Variants in KALRN observed in about 807,000 individuals in gnomAD.
KALRN encodes kalirin.
In KALRN, 70 loss-of-function variants were observed where a neutral mutation model predicts 353.7. The observed-to-expected ratio is 0.20, with a 90% CI of 0.16 to 0.24. The LOEUF (loss-of-function observed/expected upper bound fraction) is 0.24, where lower values mean the gene tolerates loss of function less well. Ranked by LOEUF, KALRN falls within the 10% of genes least tolerant of loss-of-function variation. The probability of loss-of-function intolerance (pLI) is 1.00; values close to 1 mark genes in which losing one functional copy is unlikely to be tolerated. For missense variants in KALRN, 2,791 were observed against 3,756.7 expected, an observed-to-expected ratio of 0.74 and a Z score of 6.72; for synonymous variants, 1,391 against 1,434.8, an observed-to-expected ratio of 0.97 and a Z score of 0.69.
In KALRN at chr3:124,438,168, G is replaced by T. The variant is rs146965930; in HGVS notation, c.3049-720G>T. 5.4e-3 allele frequency among the ~76,000 whole-genome samples: 829 copies of T among 152,208 alleles called. 3 individuals are homozygous for T. The highest frequency in any genetic ancestry group is 8.6e-3 in the Non-Finnish European group (584 of 68,010). On this transcript the variant is annotated intron_variant, in intron 17 of 59. Transcript: ENST00000682506. ...CTTGGTTTTTCCACTATGGGACCCA[G>T]GCTGAATTTCCCTCCAAACTCCCTT...
intron 14 of KALRN, 70 bp from the exon 15 acceptor site, chr3:124,422,742 G>T: frequency 8.0e-7 from 1 of 1,256,512 alleles, no homozygotes; most frequent in Non-Finnish European, 1.1e-6. Context: ...GTTTTCTTAT[G>T]CATATTGAAG....
chr3:124,282,198 T>C (rs541913623), intron 5 of KALRN, among the ~76,000 whole-genome samples: 1 of 152,136 alleles, frequency 6.6e-6, no homozygotes, highest in African/African-American at 2.4e-5. Context: ...GTTAGGAGGA[T>C]TGGCAGTGGG....
At chr3:124,441,615 A>G (rs2093667585) in intron 18 of KALRN, among the ~76,000 whole-genome samples, 1 of 152,118 alleles carries the variant, frequency 6.6e-6, no homozygotes, top group Admixed American at 6.5e-5. Context: ...GCTTGAGCCC[A>G]GTAGTTTGAG....
intron 51 of KALRN, 53 bp downstream of exon 51, chr3:124,679,570 T>C (rs2087557988): frequency 6.8e-7 from 1 of 1,463,370 alleles, no homozygotes; most frequent in South Asian, 1.1e-5. Flanking sequence ...TTTTTTGATG[T>C]GTTCTGTAAC....
At chr3:124,090,982 G>A (rs1482421426) in intron 1 of KALRN, among the ~76,000 whole-genome samples, 1 of 152,194 alleles carries the variant, frequency 6.6e-6, no homozygotes, top group Non-Finnish European at 1.5e-5. Flanking sequence ...CCTCAGGTGT[G>A]GACCTAAGAA....
At chr3:124,150,155 A>G (rs1387110945) in intron 1 of KALRN, among the ~76,000 whole-genome samples, 1 of 152,182 alleles carries the variant, frequency 6.6e-6, no homozygotes, top group Non-Finnish European at 1.5e-5. Flanking sequence ...GCCAAGAAAA[A>G]TTGTATTTTT....
chr3:124,684,305 T>A (rs1284151110), intron 51 of KALRN, among the ~76,000 whole-genome samples: 1 of 152,158 alleles, frequency 6.6e-6, no homozygotes, highest in Non-Finnish European at 1.5e-5. Context: ...GATTTTAACC[T>A]AAAACACAGA....
intron 9 of KALRN, among the ~76,000 whole-genome samples, chr3:124,346,519 T>C (rs1022702543): frequency 2.6e-5 from 4 of 152,140 alleles, no homozygotes; most frequent in Non-Finnish European, 5.9e-5. Flanking sequence ...CTTTAATTTA[T>C]TTGTTTGTTT....
chr3:124,470,799 G>A (rs115627703), intron 25 of KALRN, among the ~76,000 whole-genome samples: 2,125 of 152,206 alleles, frequency 0.014, 20 homozygotes, highest in Non-Finnish European at 0.022. Context: ...TCTGATACTC[G>A]CCCCAAAAGT....
At chr3:124,109,100 CTTCT>C (rs1559970372) in intron 1 of KALRN, among the ~76,000 whole-genome samples, 1 of 152,072 alleles carries the variant, frequency 6.6e-6, no homozygotes, top group Non-Finnish European at 1.5e-5. Flanking sequence ...TCATCACTAG[CTTCT>C]TTCTTATTTA....
At chr3:124,660,167 A>C (rs2084655431) in intron 43 of KALRN, among the ~76,000 whole-genome samples, 1 of 152,070 alleles carries the variant, frequency 6.6e-6, no homozygotes, top group Non-Finnish European at 1.5e-5. Flanking sequence ...TCCTGGCCTC[A>C]AGCAGCCCTC....
chr3:124,601,714 TA>T (rs2076823036), intron 34 of KALRN, among the ~76,000 whole-genome samples: 1 of 96,302 alleles, frequency 1.0e-5, no homozygotes, highest in Non-Finnish European at 2.2e-5. Flanking sequence ...CTGTGGTAAA[TA>T]TTCTGCCTTT....
chr3:124,466,034 C>CTG (rs10639598), intron 25 of KALRN, among the ~76,000 whole-genome samples: 13,528 of 147,286 alleles, frequency 0.092, 777 homozygotes, highest in African/African-American at 0.17. Context: ...CTCTCTTGCT[C>CTG]TGTGTGTGTG....
rs1208398185 is a variant in KALRN at position 124,725,745 on chromosome 3, A to C, written c.*6275A>C. The stretch of plus-strand genomic sequence containing the variant: ...ATTCTGTTTATCTGGACTTATAACT[A>C]TCTTTACATTTGAACTATTAATAGT... On this transcript the variant is annotated 3_prime_UTR_variant, in exon 60 of 60. Transcript: ENST00000682506. 6.6e-6 allele frequency: 1 copy of C among 152,216 alleles called. No individual in the cohort carries two copies. The highest frequency in any genetic ancestry group is 2.4e-5 in the African/African-American group (1 of 41,456). 9.4% of individuals were successfully genotyped at this position (152,216 alleles called of 1,614,324 possible).
At chr3:124,645,014 C>A (rs1173504795) in intron 37 of KALRN, among the ~76,000 whole-genome samples, 1 of 152,180 alleles carries the variant, frequency 6.6e-6, no homozygotes, top group Non-Finnish European at 1.5e-5. Context: ...TTGATGATCG[C>A]CATTCTAACT....
At chr3:124,186,514 G>A (rs141293846) in intron 1 of KALRN, among the ~76,000 whole-genome samples, 6 of 152,308 alleles carry the variant, frequency 3.9e-5, no homozygotes, top group Admixed American at 2.0e-4. Flanking sequence ...AAGTGTGATT[G>A]CCTTTTATGG....
chr3:124,690,726 G>C (rs1056117538), intron 51 of KALRN, among the ~76,000 whole-genome samples: 1 of 152,190 alleles, frequency 6.6e-6, no homozygotes, highest in Non-Finnish European at 1.5e-5. Flanking sequence ...CATTTGCTCT[G>C]CACTTCCTCC....
chr3:124,559,897 G>A (rs1209063988), intron 33 of KALRN, among the ~76,000 whole-genome samples: 1 of 152,202 alleles, frequency 6.6e-6, no homozygotes, highest in East Asian at 1.9e-4. Flanking sequence ...GAACCATAAT[G>A]GCTTTTGGGC....
chr3:124,086,423 C>G (rs1438458874), intron 1 of KALRN, among the ~76,000 whole-genome samples: 5 of 150,674 alleles, frequency 3.3e-5, no homozygotes, highest in Non-Finnish European at 1.5e-5. Context: ...TTTCCCTGAT[C>G]ATTAGTAATG....
Sources: gnomAD v4.1 joint callset for allele counts (sites outside exome capture counted in the v4.1 genomes callset) on GRCh38, gnomAD v4.1.1 for gene constraint, MANE v1.5 for transcripts, NCBI Gene and HGNC (gene_info 2026-07-23, HGNC 2026-07-21) for gene names.